Variants in FCRL1 observed in about 807,000 individuals in gnomAD.
FCRL1 encodes Fc receptor-like protein 1.
In FCRL1, 34 loss-of-function variants were observed where a neutral mutation model predicts 49.2. That is an observed-to-expected ratio of 0.69 (90% CI 0.53 to 0.92). The LOEUF is 0.92. Among genes scored for constraint, FCRL1 ranks in the 40% least tolerant of loss-of-function variants. FCRL1 has a pLI of 0.00. For missense variants in FCRL1, 524 were observed against 524.1 expected (o/e 1.00, Z 0.00); for synonymous variants, 218 against 201.6 (o/e 1.08, Z -0.69).
intron 3 of FCRL1, among the ~76,000 whole-genome samples, chr1:157,803,298 G>T (rs919376287): frequency 3.3e-5 from 5 of 152,188 alleles, no homozygotes; most frequent in Non-Finnish European, 7.3e-5. Context: ...CGACAGAATG[G>T]GAGAGGATGT....
rs1651226311 is a variant in FCRL1, at chr1:157,794,613, A to C, written c.*1486T>G. The C allele has an allele frequency of 6.6e-6, 1 of 152,236 alleles. No individual in the cohort carries two copies. The highest frequency in any genetic ancestry group is 6.5e-5 in the Admixed American group (1 of 15,274). 9.4% of individuals were successfully genotyped at this position (152,236 alleles called of 1,614,324 possible). A position where few individuals can be genotyped will look rare whatever the true frequency, so the allele number is the denominator to read the frequency against. On this transcript the variant is annotated 3_prime_UTR_variant, in exon 11 of 11. Coordinates refer to ENST00000368176, the MANE Select transcript of FCRL1 (RefSeq NM_052938.5). The stretch of plus-strand genomic sequence containing the variant: ...AAATTTATCCTTCAGATAATCCAGC[A>C]GGAGTGCCATAATATGCTAGTACAA...
At chr1:157,808,358 G>C (rs1396525470) in intron 1 of FCRL1, among the ~76,000 whole-genome samples, 2 of 152,198 alleles carry the variant, frequency 1.3e-5, no homozygotes, top group African/African-American at 4.8e-5. Context: ...TAACTGTTTA[G>C]ATAGATTTAG....
At chr1:157,801,393 C>G (rs759484491) in intron 6 of FCRL1, 68 bp downstream of exon 6, 1 of 1,032,436 alleles carries the variant, frequency 9.7e-7, no homozygotes, top group Non-Finnish European at 1.5e-6. Context: ...ATACATGTCA[C>G]AATTTCAGCC....
chr1:157,802,065 C>T lies in FCRL1; in HGVS notation c.736G>A (p.Asp246Asn), dbSNP rs142278474. The T allele has an allele frequency of 1.5e-4, 238 of 1,614,160 alleles. 1 individual carries two copies. In the East Asian group the frequency reaches 4.3e-3, roughly 29 times the overall value. Residue 246 changes from aspartate (D) to asparagine (N), a missense_variant, in exon 5 of 11, where the codon GAT (aspartate) becomes AAT (asparagine). Asp to Asn is a conservative substitution (Grantham distance 23). Coordinates refer to ENST00000368176, the MANE Select transcript of FCRL1 (RefSeq NM_052938.5). ...GCCGACCTGCTCCCCAGGGTGATATCCTCGTGATAAAACCAGTACAGGATC... is the reference window on the plus strand; with the variant it reads ...GCCGACCTGCTCCCCAGGGTGATATTCTCGTGATAAAACCAGTACAGGATC... ...PPILYWFYHE[D>N]ITLGSRSAPS...
At chr1:157,800,325 C>A (rs77074204) in intron 6 of FCRL1, among the ~76,000 whole-genome samples, 46 of 152,298 alleles carry the variant, frequency 3.0e-4, no homozygotes, top group African/African-American at 1.1e-3. Context: ...AGATCTAGGA[C>A]TTGGGACCCA....
chr1:157,814,462 T>TAC (rs1654764287), intron 1 of FCRL1, among the ~76,000 whole-genome samples: 1 of 151,758 alleles, frequency 6.6e-6, no homozygotes, highest in South Asian at 2.1e-4. Context: ...TGACAGCAGA[T>TAC]ACGTAAATGG....
In FCRL1 at chr1:157,794,522, TGA is replaced by T. The variant is rs1331670681; in HGVS notation, c.*1575_*1576del. On this transcript the variant is annotated 3_prime_UTR_variant, in exon 11 of 11. Coordinates refer to ENST00000368176, the MANE Select transcript of FCRL1 (RefSeq NM_052938.5). ...AGATATAAATTGATACAGCCTTACC[TGA>T]GAGACATTGAAGACTATTTAACAAG... The T allele has an allele frequency of 2.0e-5, 3 of 152,204 alleles. No homozygotes were observed. The highest frequency in any genetic ancestry group is 4.4e-5 in the Non-Finnish European group (3 of 68,034). The allele number at this position is 152,204 out of a possible 1,614,324, so 9.4% of individuals were successfully genotyped here.
At position 157,797,146 on chromosome 1, in the gene FCRL1, A is replaced by G. The variant is rs1161838770; in HGVS notation, c.1187-14T>C. 2 of 1,613,480 alleles carry G rather than the reference A, an allele frequency of 1.2e-6. No individual in the cohort carries two copies. Among genetic ancestry groups the G allele is most frequent in the Non-Finnish European group, 1.7e-6 (2 of 1,179,394 alleles). On this transcript the variant is annotated splice_polypyrimidine_tract_variant and intron_variant, in intron 9 of 10. Coordinates refer to ENST00000368176, the MANE Select transcript of FCRL1 (RefSeq NM_052938.5). The stretch of plus-strand genomic sequence containing the variant: ...CCAGGGTTTCTGCTGTGGAGAAAAG[A>G]CAAGTGCTGTGACATTCCACTTATA...
intron 8 of FCRL1, 43 bp downstream of exon 8, chr1:157,798,118 C>A (rs1372062253): frequency 5.1e-6 from 8 of 1,580,870 alleles, no homozygotes; most frequent in South Asian, 1.1e-5. Flanking sequence ...CCTTCCCTAG[C>A]TTGCTGTACC....
chr1:157,802,774 T>A, intron 3 of FCRL1, 110 bp from the exon 4 acceptor site: 2 of 1,158,708 alleles, frequency 1.7e-6, no homozygotes, highest in East Asian at 2.6e-5. Context: ...GTCAATGATG[T>A]ATATAGCTTA....
chr1:157,797,010 C>A (rs939329962), intron 10 of FCRL1, 91 bp downstream of exon 10: 33 of 1,291,680 alleles, frequency 2.6e-5, no homozygotes, highest in Non-Finnish European at 3.6e-5. Flanking sequence ...GGGATTTTTG[C>A]TCTTTCTAAG....
chr1:157,814,198 T>C (rs1202783111), intron 1 of FCRL1, among the ~76,000 whole-genome samples: 1 of 152,188 alleles, frequency 6.6e-6, no homozygotes, highest in Non-Finnish European at 1.5e-5. Context: ...ATCTCATTAC[T>C]GTAACGGTGA....
At chr1:157,805,944 A>C (rs967726965) in intron 2 of FCRL1, among the ~76,000 whole-genome samples, 1 of 152,152 alleles carries the variant, frequency 6.6e-6, no homozygotes, top group Non-Finnish European at 1.5e-5. Flanking sequence ...CACTATTCTC[A>C]ATGGGGCTAG....
Position 157,806,009 on chromosome 1 carries a change from G to C in FCRL1, c.52+1093C>G, listed in dbSNP as rs181263999. ...GTGGATTGCAAGGGTCTGGAGCTCA[G>C]TCTTACAGCTCAGAGCTTGTTTCAG... is the stretch of plus-strand genomic sequence containing the variant. On this transcript the variant is annotated intron_variant, in intron 2 of 10. Coordinates refer to ENST00000368176, the MANE Select transcript of FCRL1 (RefSeq NM_052938.5). Among the ~76,000 whole-genome samples, 375 of 152,350 alleles carry C rather than the reference G, an allele frequency of 2.5e-3. 4 individuals carry two copies. Among genetic ancestry groups the C allele is most frequent in the African/African-American group, 8.8e-3 (365 of 41,586 alleles).
At position 157,819,293 on chromosome 1, in the gene FCRL1, C is replaced by T. The variant is rs184009026; in HGVS notation, c.31+714G>A. On this transcript the variant is annotated intron_variant, in intron 1 of 10. Transcript: ENST00000368176. ...AAGGGGATAAGTCATCAGGGTTGTG[C>T]ATTTAAAAAAAAATCCCATTCAGCT... is the stretch of plus-strand genomic sequence containing the variant. 4.4e-3 allele frequency among the ~76,000 whole-genome samples: 557 copies of T among 126,432 alleles called. 12 individuals carry two copies. The highest frequency in any genetic ancestry group is 0.025 in the East Asian group (105 of 4,260). 82.9% of individuals were successfully genotyped at this position (126,432 alleles called of 152,430 possible).
chr1:157,815,165 C>T (rs1447130403), intron 1 of FCRL1, among the ~76,000 whole-genome samples: 1 of 151,908 alleles, frequency 6.6e-6, no homozygotes, highest in Non-Finnish European at 1.5e-5. Flanking sequence ...TTTTTCTCAA[C>T]TGCACATGGA....
At chr1:157,805,074 T>G (rs1489826320) in intron 2 of FCRL1, among the ~76,000 whole-genome samples, 2 of 152,184 alleles carry the variant, frequency 1.3e-5, no homozygotes, top group East Asian at 3.8e-4. Context: ...TTGCTCAGGC[T>G]AGTCTTGAAC....
intron 1 of FCRL1, among the ~76,000 whole-genome samples, chr1:157,817,462 C>T (rs1655201010): frequency 6.6e-6 from 1 of 152,020 alleles, no homozygotes; most frequent in Non-Finnish European, 1.5e-5. Flanking sequence ...ATTAAGAAAA[C>T]TGGATATCCA....
rs771794391 is a variant in FCRL1, at chr1:157,803,827, G to C, written c.319+18C>G. On this transcript the variant is annotated intron_variant, in intron 3 of 10. Coordinates refer to ENST00000368176, the MANE Select transcript of FCRL1 (RefSeq NM_052938.5). Reference sequence around the variant, plus strand: ...CCTTCTCAGCCTATCCTGGCAGACTGACCCCACTGACACTCACTGTGCACA... The same window carrying C: ...CCTTCTCAGCCTATCCTGGCAGACTCACCCCACTGACACTCACTGTGCACA... 1 of 1,609,822 alleles carries C rather than the reference G, an allele frequency of 6.2e-7. No homozygotes were observed. The highest frequency in any genetic ancestry group is 1.7e-5 in the Admixed American group (1 of 59,924).
Sources: allele counts gnomAD v4.1 joint callset (sites outside exome capture counted in the v4.1 genomes callset), GRCh38; gene constraint gnomAD v4.1.1; transcripts MANE v1.5; gene names NCBI Gene and HGNC (gene_info 2026-07-23, HGNC 2026-07-21).